Variants in SEMA3A observed in about 807,000 individuals in gnomAD.
SEMA3A encodes semaphorin 3A, also known as semaphorin-3A.
Under a neutral mutation model 97.9 loss-of-function variants are expected in SEMA3A, and 29 were observed. The observed-to-expected ratio is 0.30, with a 90% CI of 0.22 to 0.40. The LOEUF is 0.40. Ranked by LOEUF, SEMA3A falls within the 10% of genes least tolerant of loss-of-function variation. The pLI is 1.00. For missense variants in SEMA3A, 763 were observed against 951.3 expected (o/e 0.80, Z 2.60); for synonymous variants, 321 against 323.7 (o/e 0.99, Z 0.09).
chr7:84,191,523 G>A (rs1798038088), intron 1 of SEMA3A, among the ~76,000 whole-genome samples: 1 of 151,760 alleles, frequency 6.6e-6, no homozygotes, highest in East Asian at 1.9e-4. Context: ...AGGTTTTTCT[G>A]AAGACTTCAT....
At chr7:84,086,578 A>G (rs1357097528) in intron 4 of SEMA3A, among the ~76,000 whole-genome samples, 1 of 130,386 alleles carries the variant, frequency 7.7e-6, no homozygotes, top group Non-Finnish European at 1.7e-5. Flanking sequence ...ATATTTACAT[A>G]TAATATATTA....
chr7:84,161,457 C>A (rs1014498759), intron 1 of SEMA3A, among the ~76,000 whole-genome samples: 14 of 152,238 alleles, frequency 9.2e-5, no homozygotes, highest in Middle Eastern at 3.4e-3. Context: ...ACAAATCATC[C>A]CTGACACCCT....
intron 2 of SEMA3A, among the ~76,000 whole-genome samples, chr7:84,340,797 A>AAC (rs1554366944): frequency 0.26 from 37,773 of 144,728 alleles, 6,098 homozygotes; most frequent in African/African-American, 0.42. Flanking sequence ...AAAAAAAAAA[A>AAC]ATCAAAATAA....
chr7:84,462,706 G>C (rs1805878117), intron 1 of SEMA3A, among the ~76,000 whole-genome samples: 1 of 152,128 alleles, frequency 6.6e-6, no homozygotes, highest in Non-Finnish European at 1.5e-5. Flanking sequence ...TAGTAGAAAA[G>C]TTCACCTTTT....
At chr7:83,978,333 T>A (rs1789253048) in intron 14 of SEMA3A, among the ~76,000 whole-genome samples, 1 of 152,224 alleles carries the variant, frequency 6.6e-6, no homozygotes, top group Non-Finnish European at 1.5e-5. Flanking sequence ...CCAGATCACA[T>A]GTGAGCTGCA....
At chr7:84,397,318 A>C (rs2116196386) in intron 1 of SEMA3A, among the ~76,000 whole-genome samples, 1 of 151,270 alleles carries the variant, frequency 6.6e-6, no homozygotes, top group African/African-American at 2.4e-5. Context: ...ACTTAAAATT[A>C]TCTTTTGGTG....
rs191062436 is a variant in SEMA3A at position 84,101,072 on chromosome 7, C to T, written c.453+9398G>A. On this transcript the variant is annotated intron_variant, in intron 4 of 16. Transcript: ENST00000265362. ...TACAGCTGACTAATCAGACTGCTTC[C>T]CCATGGAACCCTATGATGTCATTTT... Among the ~76,000 whole-genome samples, 3 of 152,240 alleles carry T rather than the reference C, an allele frequency of 2.0e-5. No homozygotes were observed. The East Asian group carries it at 5.8e-4, about 29-fold the overall frequency.
intron 2 of SEMA3A, among the ~76,000 whole-genome samples, chr7:84,313,408 A>G (rs1554362740): frequency 3.3e-5 from 4 of 120,818 alleles, no homozygotes; most frequent in Admixed American, 8.9e-5. Flanking sequence ...ATATATATAA[A>G]CTATACGTGA....
intron 6 of SEMA3A, among the ~76,000 whole-genome samples, chr7:84,035,813 T>G (rs1791922836): frequency 6.6e-6 from 1 of 152,060 alleles, no homozygotes; most frequent in South Asian, 2.1e-4. Flanking sequence ...TTTCATCTCA[T>G]TATTTTTTCT....
At chr7:84,405,162 G>T (rs577700138) in intron 1 of SEMA3A, among the ~76,000 whole-genome samples, 11 of 152,032 alleles carry the variant, frequency 7.2e-5, no homozygotes, top group Admixed American at 1.3e-4. Context: ...CTCAGGTGCA[G>T]AGACACACAT....
intron 1 of SEMA3A, among the ~76,000 whole-genome samples, chr7:84,419,973 A>T (rs188419832): frequency 6.6e-6 from 1 of 152,304 alleles, no homozygotes. Flanking sequence ...ACACACGCTA[A>T]AGGAACTGAC....
chr7:84,382,786 G>A (rs112435971), intron 1 of SEMA3A, among the ~76,000 whole-genome samples: 15,947 of 151,108 alleles, frequency 0.11, 1,535 homozygotes, highest in East Asian at 0.34. Context: ...GCTGAGGCAG[G>A]AGAATTGCTT....
intron 15 of SEMA3A, among the ~76,000 whole-genome samples, chr7:83,964,655 C>T (rs995247103): frequency 1.3e-5 from 2 of 152,140 alleles, no homozygotes; most frequent in Non-Finnish European, 1.5e-5. Flanking sequence ...TTCTCAAATG[C>T]CCTAGGTGTG....
intron 4 of SEMA3A, among the ~76,000 whole-genome samples, chr7:84,068,310 T>C (rs887624396): frequency 6.9e-6 from 1 of 145,958 alleles, no homozygotes; most frequent in Non-Finnish European, 1.5e-5. Context: ...CATTGGGAGA[T>C]ATACCTAATG....
At chr7:84,052,812 C>G (rs1447435861) in intron 5 of SEMA3A, among the ~76,000 whole-genome samples, 1 of 150,342 alleles carries the variant, frequency 6.7e-6, no homozygotes, top group Non-Finnish European at 1.5e-5. Context: ...GTTAGGGTGT[C>G]AATTTTGGAT....
intron 3 of SEMA3A, among the ~76,000 whole-genome samples, chr7:84,250,253 TA>T (rs1262291849): frequency 2.0e-5 from 3 of 151,800 alleles, no homozygotes; most frequent in Non-Finnish European, 2.9e-5. Context: ...GTTACATTAA[TA>T]TTTTTTTTTT....
At chr7:84,111,094 AT>A (rs1795264723) in intron 3 of SEMA3A, among the ~76,000 whole-genome samples, 2 of 152,232 alleles carry the variant, frequency 1.3e-5, no homozygotes, top group African/African-American at 4.8e-5. Flanking sequence ...CATTTTGGAA[AT>A]ATCCAAATGA....
intron 5 of SEMA3A, among the ~76,000 whole-genome samples, chr7:84,056,356 T>A (rs868221516): frequency 1.3e-5 from 2 of 152,210 alleles, no homozygotes; most frequent in East Asian, 1.9e-4. Flanking sequence ...CTTAGATCAG[T>A]GAATGTATTG....
At chr7:84,249,998 A>G (rs1799568866) in intron 3 of SEMA3A, among the ~76,000 whole-genome samples, 1 of 151,336 alleles carries the variant, frequency 6.6e-6, no homozygotes, top group African/African-American at 2.4e-5. Context: ...ATGAAATATT[A>G]TTACCACATT....
Sources: allele counts gnomAD v4.1 joint callset (sites outside exome capture counted in the v4.1 genomes callset), GRCh38; gene constraint gnomAD v4.1.1; transcripts MANE v1.5; gene names NCBI Gene and HGNC (gene_info 2026-07-23, HGNC 2026-07-21).